EYS: variants seen among roughly 807,000 people sequenced by gnomAD.
EYS encodes EGF-like photoreceptor maintenance factor, also known as protein eyes shut homolog.
EYS carries 250 observed loss-of-function variants against 282.1 expected under a neutral mutation model. That is an observed-to-expected ratio of 0.89 (90% CI 0.80 to 0.98). EYS has a LOEUF of 0.98. Ranked by LOEUF, EYS falls within the 50% of genes least tolerant of loss-of-function variation. EYS has a pLI of 0.00. For missense variants in EYS, 4,016 were observed against 3,709.0 expected, an observed-to-expected ratio of 1.08 and a Z score of -2.15; for synonymous variants, 1,355 against 1,282.9, an observed-to-expected ratio of 1.06 and a Z score of -1.20.
At chr6:64,045,301 C>T (rs1039971387) in intron 33 of EYS, among the ~76,000 whole-genome samples, 1 of 151,732 alleles carries the variant, frequency 6.6e-6, no homozygotes, top group Admixed American at 6.6e-5. Context: ...TGTTGACAAA[C>T]GTTTTTACTG....
intron 15 of EYS, among the ~76,000 whole-genome samples, chr6:64,938,666 A>G (rs1394713599): frequency 6.6e-6 from 1 of 151,636 alleles, no homozygotes; most frequent in Non-Finnish European, 1.5e-5. Context: ...TTATTATAAA[A>G]TAGGAATTGT....
At chr6:65,421,945 G>GTAGA (rs1163591774) in intron 5 of EYS, among the ~76,000 whole-genome samples, 1 of 151,874 alleles carries the variant, frequency 6.6e-6, no homozygotes, top group Non-Finnish European at 1.5e-5. Context: ...AGAGCCCCAT[G>GTAGA]TAGATATAAC....
chr6:64,140,158 G>T (rs1434844082), intron 31 of EYS, among the ~76,000 whole-genome samples: 1 of 152,106 alleles, frequency 6.6e-6, no homozygotes, highest in Non-Finnish European at 1.5e-5. Context: ...GAACATCTGG[G>T]CCAAAATATA....
intron 22 of EYS, among the ~76,000 whole-genome samples, chr6:64,777,456 C>T (rs888407788): frequency 6.6e-6 from 1 of 152,036 alleles, no homozygotes; most frequent in African/African-American, 2.4e-5. Context: ...GTACTTAAGG[C>T]TCTGCACCTA....
At chr6:64,754,634 C>T (rs1216899050) in intron 22 of EYS, among the ~76,000 whole-genome samples, 1 of 151,960 alleles carries the variant, frequency 6.6e-6, no homozygotes, top group Non-Finnish European at 1.5e-5. Flanking sequence ...AAAGAATACA[C>T]CAAAATTAAG....
At chr6:65,037,992 AGCTT>A (rs1772821383) in intron 13 of EYS, among the ~76,000 whole-genome samples, 1 of 151,640 alleles carries the variant, frequency 6.6e-6, no homozygotes, top group African/African-American at 2.4e-5. Context: ...TGAGAAACCT[AGCTT>A]CATTAATTTC....
In EYS at chr6:64,821,397, G is replaced by A. The variant is rs990433236; in HGVS notation, c.3243+248C>T. Among the ~76,000 whole-genome samples the A allele has an allele frequency of 4.6e-4, 70 of 151,934 alleles. 1 individual carries two copies. The highest frequency in any genetic ancestry group is 1.5e-3 in the African/African-American group (61 of 41,476). ...TAGGATTTAGTTTGGTGGGGCGGTC[G>A]GCGGGAGGGAGGAGAATCGTGGAAT... On this transcript the variant is annotated intron_variant, in intron 21 of 42. Transcript: ENST00000503581.
At chr6:63,970,053 T>A (rs1313380155) in intron 35 of EYS, among the ~76,000 whole-genome samples, 1 of 151,804 alleles carries the variant, frequency 6.6e-6, no homozygotes, top group Non-Finnish European at 1.5e-5. Flanking sequence ...TGGCCATGGG[T>A]TATTGGGTTG....
At chr6:64,213,485 A>G (rs1765844588) in intron 31 of EYS, among the ~76,000 whole-genome samples, 1 of 152,214 alleles carries the variant, frequency 6.6e-6, no homozygotes, top group South Asian at 2.1e-4. Context: ...CATCAGCATG[A>G]TATGTATAAG....
chr6:64,111,912 A>G (rs1773217907), intron 31 of EYS, among the ~76,000 whole-genome samples: 1 of 152,070 alleles, frequency 6.6e-6, no homozygotes, highest in Non-Finnish European at 1.5e-5. Context: ...GCCATTGGCT[A>G]ATGTTATATA....
intron 12 of EYS, among the ~76,000 whole-genome samples, chr6:65,274,131 A>G (rs1767977197): frequency 6.6e-6 from 1 of 152,196 alleles, no homozygotes; most frequent in Non-Finnish European, 1.5e-5. Flanking sequence ...CAATAGGAAT[A>G]TACATACTCA....
At chr6:65,523,306 A>G (rs1767439834) in intron 2 of EYS, among the ~76,000 whole-genome samples, 1 of 152,222 alleles carries the variant, frequency 6.6e-6, no homozygotes, top group Non-Finnish European at 1.5e-5. Context: ...ATACACACAC[A>G]CAAACATAGA....
At chr6:64,082,521 A>T (rs75567377) in intron 31 of EYS, among the ~76,000 whole-genome samples, 14,784 of 152,170 alleles carry the variant, frequency 0.097, 1,280 homozygotes, top group African/African-American at 0.23. Context: ...AAACATCAAG[A>T]TATACACTTA....
intron 1 of EYS, among the ~76,000 whole-genome samples, chr6:65,706,881 G>A (rs1024923270): frequency 3.9e-5 from 6 of 152,114 alleles, no homozygotes; most frequent in African/African-American, 1.4e-4. Flanking sequence ...TATCTCAAAG[G>A]AGGTGAAAAT....
At chr6:65,010,339 A>G (rs1409471777) in intron 13 of EYS, among the ~76,000 whole-genome samples, 1 of 152,200 alleles carries the variant, frequency 6.6e-6, no homozygotes, top group Non-Finnish European at 1.5e-5. Flanking sequence ...ATGGCATACT[A>G]ACTGCTAAAG....
At chr6:63,893,087 G>T (rs1562082979) in intron 35 of EYS, among the ~76,000 whole-genome samples, 1 of 152,214 alleles carries the variant, frequency 6.6e-6, no homozygotes, top group African/African-American at 2.4e-5. Context: ...AACAGATATT[G>T]GAGAGGATGT....
intron 15 of EYS, among the ~76,000 whole-genome samples, chr6:64,913,821 A>C (rs1477977322): frequency 6.6e-6 from 1 of 152,122 alleles, no homozygotes; most frequent in African/African-American, 2.4e-5. Flanking sequence ...TAGTTCTTTG[A>C]GAAATCTCCA....
Position 64,032,599 on chromosome 6 carries a change from A to G in EYS, c.6726-33416T>C, listed in dbSNP as rs185762821. Among the ~76,000 whole-genome samples the G allele has an allele frequency of 1.6e-3, 241 of 152,330 alleles. 2 individuals are homozygous for G. In the Middle Eastern group the frequency reaches 0.031, roughly 19 times the overall value. On this transcript the variant is annotated intron_variant, in intron 33 of 42. Coordinates refer to ENST00000503581, the MANE Select transcript of EYS (RefSeq NM_001142800.2). ...AGACTAATCCTTGCTTCAGATGTCA[A>G]TCTGAAGTAAGTAGTGGGTCTCTAG...
At chr6:64,629,357 G>A (rs1232522915) in intron 22 of EYS, among the ~76,000 whole-genome samples, 1 of 151,940 alleles carries the variant, frequency 6.6e-6, no homozygotes, top group African/African-American at 2.4e-5. Context: ...CCTCTTTAAA[G>A]GAGAAGTGCC....
Sources: gnomAD v4.1 joint callset for allele counts (sites outside exome capture counted in the v4.1 genomes callset) on GRCh38, gnomAD v4.1.1 for gene constraint, MANE v1.5 for transcripts, NCBI Gene and HGNC (gene_info 2026-07-23, HGNC 2026-07-21) for gene names.